The following PPP6R3 variants were observed in gnomAD, a reference collection of about 807,000 sequenced individuals.
The protein encoded by PPP6R3 is serine/threonine-protein phosphatase 6 regulatory subunit 3.
PPP6R3 carries 38 observed loss-of-function variants against 110.7 expected under a neutral mutation model. The observed-to-expected ratio is 0.34, with a 90% CI of 0.26 to 0.45. The LOEUF is 0.45. PPP6R3 is among the 20% of genes least tolerant of loss of function. The pLI is 1.00. For synonymous variants in PPP6R3, 369 were observed against 373.5 expected, an observed-to-expected ratio of 0.99 and a Z score of 0.14; for missense variants, 870 against 1,062.4, an observed-to-expected ratio of 0.82 and a Z score of 2.52.
chr11:68,465,327 C>T (rs2098738249), intron 1 of PPP6R3, among the ~76,000 whole-genome samples: 1 of 152,244 alleles, frequency 6.6e-6, no homozygotes, highest in African/African-American at 2.4e-5. Flanking sequence ...GTAAGTTGGA[C>T]TCTTCTGTGC....
At chr11:68,491,693 A>G (rs1243284130) in intron 1 of PPP6R3, among the ~76,000 whole-genome samples, 2 of 151,968 alleles carry the variant, frequency 1.3e-5, no homozygotes, top group African/African-American at 4.8e-5. Flanking sequence ...CATTAAATAC[A>G]TCCACATTGT....
At chr11:68,577,424 T>C (rs1441400819) in intron 14 of PPP6R3, among the ~76,000 whole-genome samples, 1 of 152,238 alleles carries the variant, frequency 6.6e-6, no homozygotes, top group African/African-American at 2.4e-5. Context: ...TATTGTCTTG[T>C]CTTATAAAGG....
At chr11:68,573,148 ATATAT>A (rs1294322753) in intron 12 of PPP6R3, among the ~76,000 whole-genome samples, 94 of 82,458 alleles carry the variant, frequency 1.1e-3, no homozygotes, top group African/African-American at 3.5e-3. Flanking sequence ...ATATATATAT[ATATAT>A]AATTTTTTTT....
intron 1 of PPP6R3, among the ~76,000 whole-genome samples, chr11:68,498,878 G>T (rs2099033255): frequency 6.6e-6 from 1 of 152,186 alleles, no homozygotes; most frequent in Non-Finnish European, 1.5e-5. Context: ...TATATGTATA[G>T]TAGTGGCATC....
At chr11:68,492,046 C>G (rs527997359) in intron 1 of PPP6R3, among the ~76,000 whole-genome samples, 2 of 152,338 alleles carry the variant, frequency 1.3e-5, no homozygotes, top group African/African-American at 2.4e-5. Flanking sequence ...TTCGACTATT[C>G]TAAGTACCTT....
chr11:68,477,741 A>AAATATATATATATATATAT, intron 1 of PPP6R3, among the ~76,000 whole-genome samples: 57 of 57,876 alleles, frequency 9.8e-4, no homozygotes, highest in Non-Finnish European at 1.6e-3. Context: ...AAAAAAAAAA[A>AAATATATATATATATATAT]ATATATATAT....
At chr11:68,573,139 TATATATATATATATA>T (rs1402442285) in intron 12 of PPP6R3, among the ~76,000 whole-genome samples, 3 of 103,580 alleles carry the variant, frequency 2.9e-5, no homozygotes, top group African/African-American at 7.0e-5. Flanking sequence ...TATATATATA[TATATATATATATATA>T]ATTTTTTTTT....
intron 1 of PPP6R3, among the ~76,000 whole-genome samples, chr11:68,485,582 TTGAAA>T (rs1436442926): frequency 2.0e-5 from 3 of 152,236 alleles, no homozygotes; most frequent in African/African-American, 7.2e-5. Context: ...TGAGTGTTTT[TTGAAA>T]TGAACAGGTG....
intron 1 of PPP6R3, among the ~76,000 whole-genome samples, chr11:68,466,563 C>T (rs1342536930): frequency 1.3e-5 from 2 of 151,844 alleles, no homozygotes; most frequent in African/African-American, 4.8e-5. Flanking sequence ...CTCAGCCTCC[C>T]CAGTAGCTGG....
chr11:68,606,230 G>T (rs1939710670), intron 22 of PPP6R3, among the ~76,000 whole-genome samples: 1 of 152,132 alleles, frequency 6.6e-6, no homozygotes, highest in South Asian at 2.1e-4. Context: ...AGCTATATAT[G>T]ATTAAAACTC....
chr11:68,614,455 A>G lies in PPP6R3; in HGVS notation c.*1338A>G, dbSNP rs1944811710. ...AATAGAAAATTATTCACGTATTTTT[A>G]CATCATTTGTTTTTCCTGACCAGTA... On this transcript the variant is annotated 3_prime_UTR_variant, in exon 24 of 24. Coordinates refer to ENST00000393800, the MANE Select transcript of PPP6R3 (RefSeq NM_001164161.2). 7.4e-7 allele frequency: 1 copy of G among 1,359,152 alleles called. No individual in the cohort carries two copies. Among genetic ancestry groups the G allele is most frequent in the Non-Finnish European group, 9.4e-7 (1 of 1,060,122 alleles). The allele number at this position is 1,359,152 out of a possible 1,614,324, so 84.2% of individuals were successfully genotyped here.
intron 14 of PPP6R3, among the ~76,000 whole-genome samples, chr11:68,579,793 AT>A (rs2099546012): frequency 6.6e-6 from 1 of 152,266 alleles, no homozygotes; most frequent in Non-Finnish European, 1.5e-5. Context: ...ACAAATACTT[AT>A]CACCATGCTC....
intron 21 of PPP6R3, 84 bp from the exon 22 acceptor site, chr11:68,603,258 T>G: frequency 1.3e-6 from 2 of 1,505,660 alleles, no homozygotes; most frequent in Non-Finnish European, 1.8e-6. Context: ...AGATGTCACG[T>G]TGGGTAGATG....
intron 16 of PPP6R3, 141 bp downstream of exon 16, chr11:68,588,165 C>T (rs2099584510): frequency 7.9e-6 from 6 of 759,062 alleles, no homozygotes; most frequent in African/African-American, 1.7e-5. Context: ...CCTCTAGTTC[C>T]AGCAGATTGG....
At chr11:68,520,626 A>G (rs559311972) in intron 2 of PPP6R3, among the ~76,000 whole-genome samples, 89 of 152,256 alleles carry the variant, frequency 5.8e-4, no homozygotes, top group African/African-American at 2.0e-3. Flanking sequence ...GTGATGTCCA[A>G]TTCTTGCCCC....
At chr11:68,517,128 C>T (rs2099141222) in intron 1 of PPP6R3, among the ~76,000 whole-genome samples, 1 of 150,578 alleles carries the variant, frequency 6.6e-6, no homozygotes, top group Admixed American at 6.6e-5. Flanking sequence ...TTTTTAGAAC[C>T]CCTGTTGGTT....
intron 8 of PPP6R3, 86 bp downstream of exon 8, chr11:68,558,765 T>C: frequency 9.8e-7 from 1 of 1,019,382 alleles, no homozygotes; most frequent in Non-Finnish European, 1.5e-6. Context: ...TAAGCTGTAA[T>C]AGCGTACCTT....
At chr11:68,471,967 G>A (rs1480246006) in intron 1 of PPP6R3, among the ~76,000 whole-genome samples, 1 of 152,068 alleles carries the variant, frequency 6.6e-6, no homozygotes, top group Non-Finnish European at 1.5e-5. Flanking sequence ...TGAGAATGAG[G>A]GGGTGTCAGG....
At chr11:68,566,385 A>C (rs562317694) in intron 9 of PPP6R3, among the ~76,000 whole-genome samples, 1 of 149,970 alleles carries the variant, frequency 6.7e-6, no homozygotes, top group African/African-American at 2.5e-5. Context: ...TTTTTGAGAC[A>C]GTGTCTCACT....
Sources: allele counts gnomAD v4.1 joint callset (sites outside exome capture counted in the v4.1 genomes callset), GRCh38; gene constraint gnomAD v4.1.1; transcripts MANE v1.5; gene names NCBI Gene and HGNC (gene_info 2026-07-23, HGNC 2026-07-21).